The following DPYSL4 variants were observed in gnomAD, a reference collection of about 807,000 sequenced individuals.
DPYSL4 encodes dihydropyrimidinase like 4.
A neutral mutation model predicts 63.4 loss-of-function variants in DPYSL4; 43 were observed. The ratio of observed to expected loss-of-function variants is 0.68; its 90% CI spans 0.53 to 0.88. The LOEUF is 0.88. Ranked by LOEUF, DPYSL4 falls within the 40% of genes least tolerant of loss-of-function variation. The probability of loss-of-function intolerance (pLI) is 0.00; values close to 1 mark genes in which losing one functional copy is unlikely to be tolerated. For missense variants in DPYSL4, 733 were observed against 819.5 expected (o/e 0.89, Z 1.29); for synonymous variants, 353 against 331.7 (o/e 1.06, Z -0.70).
chr10:132,205,071 A>G lies in DPYSL4; in HGVS notation c.*141A>G, dbSNP rs541454020. The G allele has an allele frequency of 5.8e-5, 34 of 588,888 alleles. 1 individual carries two copies. The South Asian group carries it at 8.9e-4, about 15-fold the overall frequency. 36.5% of individuals were successfully genotyped at this position (588,888 alleles called of 1,614,324 possible). A position where few individuals can be genotyped will look rare whatever the true frequency, so the allele number is the denominator to read the frequency against. On this transcript the variant is annotated 3_prime_UTR_variant, in exon 14 of 14. Coordinates refer to ENST00000338492, the MANE Select transcript of DPYSL4 (RefSeq NM_006426.3). Reference sequence around the variant, plus strand: ...GCGGTCTTGCCTTCCCCCTCCCCACAGGCTCTCCTTGTGGGGTCCCAGGTC... The same window carrying G: ...GCGGTCTTGCCTTCCCCCTCCCCACGGGCTCTCCTTGTGGGGTCCCAGGTC...
chr10:132,202,760 G>A lies in DPYSL4; in HGVS notation c.1396G>A (p.Gly466Ser). ...GAAGATGTTTGTCACCCCGGGGGCG[G>A]GCCGCTTCGTCCCTCGGAAAACATT... ...DGKMFVTPGA[G>S]RFVPRKTFPD... Residue 466 changes from glycine (G) to serine (S), a missense_variant, in exon 12 of 14, where the codon GGC becomes AGC. Transcript: ENST00000338492. 1.9e-6 allele frequency: 3 copies of A among 1,612,924 alleles called. No homozygotes were observed. Among genetic ancestry groups the A allele is most frequent in the Non-Finnish European group, 1.7e-6 (2 of 1,179,822 alleles).
intron 10 of DPYSL4, 57 bp from the exon 11 acceptor site, chr10:132,201,889 C>T (rs1051856333): frequency 3.3e-5 from 51 of 1,556,526 alleles, no homozygotes; most frequent in Middle Eastern, 2.1e-4. Flanking sequence ...TCTGTCCTCG[C>T]GCAAGCCTCA....
At position 132,204,553 on chromosome 10, in the gene DPYSL4, C is replaced by G. The variant is rs1054732809; in HGVS notation, c.1628-286C>G. 2.0e-5 allele frequency among the ~76,000 whole-genome samples: 3 copies of G among 152,156 alleles called. No homozygotes were observed. The East Asian group carries it at 5.8e-4, about 29-fold the overall frequency. On this transcript the variant is annotated intron_variant, in intron 13 of 13. Transcript: ENST00000338492. The stretch of plus-strand genomic sequence containing the variant: ...CATCACCCGGAACCCAGAGCAGGGA[C>G]GAGGCAGGACTGGCCCGGGTTCCTC...
chr10:132,200,543 G>A, intron 9 of DPYSL4, 31 bp downstream of exon 9: 1 of 1,609,790 alleles, frequency 6.2e-7, no homozygotes, highest in Non-Finnish European at 8.5e-7. Context: ...GCCCCAGGTT[G>A]GCCGCCCGCT....
At chr10:132,204,421 C>T (rs1299151007) in intron 13 of DPYSL4, among the ~76,000 whole-genome samples, 6 of 152,152 alleles carry the variant, frequency 3.9e-5, no homozygotes, top group Non-Finnish European at 7.4e-5. Flanking sequence ...GTGCATTCTC[C>T]GGACCCAGGA....
chr10:132,190,997 G>C (rs959745565), intron 2 of DPYSL4, among the ~76,000 whole-genome samples, 162 bp downstream of exon 2: 1 of 151,196 alleles, frequency 6.6e-6, no homozygotes, highest in Non-Finnish European at 1.5e-5. Flanking sequence ...TGTACACGCT[G>C]GCCACGTGGT....
chr10:132,187,462 C>T (rs1049903482), intron 1 of DPYSL4, among the ~76,000 whole-genome samples: 1 of 152,004 alleles, frequency 6.6e-6, no homozygotes, highest in African/African-American at 2.4e-5. Flanking sequence ...TCCCTCGGAG[C>T]GCTAGCGGCT....
chr10:132,193,280 G>A (rs1407266092), intron 3 of DPYSL4, among the ~76,000 whole-genome samples: 1 of 152,032 alleles, frequency 6.6e-6, no homozygotes, highest in African/African-American at 2.4e-5. Flanking sequence ...GATGGAGACT[G>A]TATTTTTAGA....
At chr10:132,200,809 G>A (rs1354970217) in intron 9 of DPYSL4, 33 bp from the exon 10 acceptor site, 2 of 1,605,244 alleles carry the variant, frequency 1.2e-6, no homozygotes, top group Admixed American at 1.7e-5. Context: ...GGCTCAGGAA[G>A]GCCAGGACCC....
Position 132,205,223 on chromosome 10 carries a change from CCAGCCTGGGGA to C in DPYSL4, c.*297_*307del, listed in dbSNP as rs2062080976. 1 of 271,122 alleles carries C rather than the reference CCAGCCTGGGGA, an allele frequency of 3.7e-6. No homozygotes were observed. The highest frequency in any genetic ancestry group is 5.4e-5 in the Admixed American group (1 of 18,636). 16.8% of individuals were successfully genotyped at this position (271,122 alleles called of 1,614,324 possible). On this transcript the variant is annotated 3_prime_UTR_variant, in exon 14 of 14. Coordinates refer to ENST00000338492, the MANE Select transcript of DPYSL4 (RefSeq NM_006426.3). ...CCAGGCACCCCAGTGCCCGCTGGGCCCAGCCTGGGGACAGGGAACCTGCCGGGCTCACAGTG... is the reference window on the plus strand; with the variant it reads ...CCAGGCACCCCAGTGCCCGCTGGGCCCAGGGAACCTGCCGGGCTCACAGTG...
At chr10:132,198,591 C>A in intron 7 of DPYSL4, 108 bp downstream of exon 7, 1 of 1,213,560 alleles carries the variant, frequency 8.2e-7, no homozygotes, top group South Asian at 1.4e-5. Context: ...CCACTGTGCT[C>A]GCCCCGACCT....
chr10:132,193,997 A>G (rs922589665), intron 3 of DPYSL4, among the ~76,000 whole-genome samples: 1 of 152,254 alleles, frequency 6.6e-6, no homozygotes, highest in Non-Finnish European at 1.5e-5. Context: ...ACGTCTGCAC[A>G]GTCGAGACCA....
chr10:132,193,824 AG>A (rs1454658017), intron 3 of DPYSL4, among the ~76,000 whole-genome samples: 3 of 152,236 alleles, frequency 2.0e-5, no homozygotes, highest in Non-Finnish European at 2.9e-5. Context: ...GGCAGCTCTG[AG>A]GACCCTGAAA....
chr10:132,199,763 CA>C lies in DPYSL4; in HGVS notation c.812-592del, dbSNP rs779645871. Among the ~76,000 whole-genome samples the C allele has an allele frequency of 2.8e-4, 43 of 152,150 alleles. 1 individual carries two copies. The highest frequency in any genetic ancestry group is 3.4e-3 in the Middle Eastern group (1 of 294). ...TCGAGGGTTGAAACTGAAACCCACT[CA>C]GTTAACTGGGAAAAGGACTCTGAGG... On this transcript the variant is annotated intron_variant, in intron 8 of 13. Transcript: ENST00000338492.
chr10:132,192,492 C>T, intron 2 of DPYSL4, 166 bp from the exon 3 acceptor site: 2 of 1,382,024 alleles, frequency 1.4e-6, no homozygotes, highest in Non-Finnish European at 1.9e-6. Context: ...TGATGCTTTG[C>T]TCCCTGGCAC....
At chr10:132,187,914 G>A (rs1293251998) in intron 1 of DPYSL4, among the ~76,000 whole-genome samples, 2 of 152,188 alleles carry the variant, frequency 1.3e-5, no homozygotes, top group African/African-American at 4.8e-5. Flanking sequence ...GGGCGGGGGA[G>A]TCCATGGGGT....
At chr10:132,204,789 GCCCCTGCCCCTGCCTCATTCT>G (rs1281805592) in intron 13 of DPYSL4, 29 bp from the exon 14 acceptor site, 5 of 1,509,506 alleles carry the variant, frequency 3.3e-6, no homozygotes, top group Middle Eastern at 1.8e-4. Context: ...GAATAGAAGG[GCCCCTGCCCCTGCCTCATTCT>G]CCCCTGCCCA....
rs1010205493 is a variant in DPYSL4 at position 132,200,875 on chromosome 10, C to T, written c.1002C>T (p.Cys334=). 2.5e-6 allele frequency: 4 copies of T among 1,613,128 alleles called. No individual in the cohort carries two copies. The highest frequency in any genetic ancestry group is 3.4e-6 in the Non-Finnish European group (4 of 1,179,968). The stretch of plus-strand genomic sequence containing the variant: ...TCCAGGTGACAGGCAGCGCCCACTG[C>T]ACCTTCACCACTGCCCAGAAGGCTG... ...GDLQVTGSAH[C]TFTTAQKAVG... is the part of the protein sequence containing the mutation. Residue 334 remains cysteine, a synonymous_variant, in exon 10 of 14, where the codon TGC becomes TGT. Coordinates refer to ENST00000338492, the MANE Select transcript of DPYSL4 (RefSeq NM_006426.3).
intron 5 of DPYSL4, 46 bp from the exon 6 acceptor site, chr10:132,196,975 G>A: frequency 6.2e-7 from 1 of 1,613,166 alleles, no homozygotes; most frequent in Admixed American, 1.7e-5. Flanking sequence ...GGCCGCTGCT[G>A]GTGCAGGCGC....
Sources: gnomAD v4.1 joint callset for allele counts (sites outside exome capture counted in the v4.1 genomes callset) on GRCh38, gnomAD v4.1.1 for gene constraint, MANE v1.5 for transcripts, NCBI Gene and HGNC (gene_info 2026-07-23, HGNC 2026-07-21) for gene names.